GPC5: variants seen among roughly 807,000 people sequenced by gnomAD.
GPC5 encodes the protein glypican-5.
GPC5 carries 47 observed loss-of-function variants against 53.9 expected under a neutral mutation model. The ratio of observed to expected loss-of-function variants is 0.87; its 90% CI spans 0.69 to 1.11. The LOEUF (loss-of-function observed/expected upper bound fraction) is 1.11, where lower values mean the gene tolerates loss of function less well. Among genes scored for constraint, GPC5 ranks in the 50% most tolerant of loss-of-function variants. The pLI, the probability that GPC5 is intolerant of heterozygous loss-of-function variation, is 0.00. For missense variants in GPC5, 748 were observed against 713.1 expected (o/e 1.05, Z -0.56); for synonymous variants, 286 against 263.3 (o/e 1.09, Z -0.84).
chr13:92,322,192 T>G (rs2043220441), intron 7 of GPC5, among the ~76,000 whole-genome samples: 1 of 152,014 alleles, frequency 6.6e-6, no homozygotes, highest in Non-Finnish European at 1.5e-5. Context: ...GTACAGGTCA[T>G]GCATATAGTA....
rs529552813 is a variant in GPC5, at chr13:91,533,519, G to C, written c.325+84597G>C. Among the ~76,000 whole-genome samples the C allele has an allele frequency of 1.4e-4, 22 of 152,244 alleles. No homozygotes were observed. The South Asian group carries it at 4.6e-3, about 32-fold the overall frequency. On this transcript the variant is annotated intron_variant, in intron 2 of 7. Coordinates refer to ENST00000377067, the MANE Select transcript of GPC5 (RefSeq NM_004466.6). ...GGAAGCAAAACAATCTCAGCCTTTG[G>C]CCTTGTGGAACAGACAGTGGCGGGG...
At chr13:92,035,771 A>AT in intron 6 of GPC5, among the ~76,000 whole-genome samples, 1 of 151,470 alleles carries the variant, frequency 6.6e-6, no homozygotes, top group Non-Finnish European at 1.5e-5. Context: ...AAAAAAACAA[A>AT]AAAAACAATG....
At chr13:91,409,624 G>A (rs9523330) in intron 1 of GPC5, among the ~76,000 whole-genome samples, 44,706 of 152,100 alleles carry the variant, frequency 0.29, 7,402 homozygotes, top group Middle Eastern at 0.46. Flanking sequence ...TATTTGTTGC[G>A]TATTATGATC....
chr13:92,159,743 C>CA (rs2041973166), intron 7 of GPC5, among the ~76,000 whole-genome samples: 1 of 149,526 alleles, frequency 6.7e-6, no homozygotes, highest in African/African-American at 2.5e-5. Flanking sequence ...GCTGGGACTA[C>CA]AGGCGCCCGT....
At chr13:91,494,809 T>C (rs1305208218) in intron 2 of GPC5, among the ~76,000 whole-genome samples, 1 of 152,200 alleles carries the variant, frequency 6.6e-6, no homozygotes, top group East Asian at 1.9e-4. Flanking sequence ...AGAATCTTTT[T>C]CTGATTTCTC....
chr13:91,905,279 T>A (rs934887664), intron 5 of GPC5, among the ~76,000 whole-genome samples: 9 of 151,880 alleles, frequency 5.9e-5, no homozygotes, highest in Non-Finnish European at 1.0e-4. Context: ...AAGAGATGGT[T>A]ACTCTCTTTC....
intron 6 of GPC5, among the ~76,000 whole-genome samples, chr13:92,118,576 C>T (rs147829245): frequency 6.6e-6 from 1 of 152,198 alleles, no homozygotes; most frequent in East Asian, 1.9e-4. Context: ...TATATATGAT[C>T]CATCTTACAG....
chr13:91,620,163 T>G (rs1224805512), intron 2 of GPC5, among the ~76,000 whole-genome samples: 3 of 152,122 alleles, frequency 2.0e-5, no homozygotes, highest in Non-Finnish European at 4.4e-5. Context: ...AAATCATGCT[T>G]TAACCATCAC....
intron 7 of GPC5, among the ~76,000 whole-genome samples, chr13:92,453,039 T>G (rs1878128945): frequency 6.6e-6 from 1 of 152,218 alleles, no homozygotes; most frequent in South Asian, 2.1e-4. Flanking sequence ...CTCAGCCAGC[T>G]GGAACTGTGA....
chr13:91,526,780 A>G (rs1886105406), intron 2 of GPC5, among the ~76,000 whole-genome samples: 1 of 152,222 alleles, frequency 6.6e-6, no homozygotes, highest in Admixed American at 6.5e-5. Context: ...ACAGTTCCAC[A>G]TGTCTGGGGA....
At chr13:92,051,605 G>A (rs755676031) in intron 6 of GPC5, among the ~76,000 whole-genome samples, 3 of 152,172 alleles carry the variant, frequency 2.0e-5, no homozygotes, top group Non-Finnish European at 4.4e-5. Flanking sequence ...CAGTATCACA[G>A]AGATTATTGA....
intron 6 of GPC5, among the ~76,000 whole-genome samples, chr13:92,135,494 G>T (rs1436024249): frequency 6.6e-6 from 1 of 152,100 alleles, no homozygotes; most frequent in Non-Finnish European, 1.5e-5. Context: ...AGTCAATTTT[G>T]GTATGAGGGC....
chr13:92,046,227 G>A (rs2040981216), intron 6 of GPC5, among the ~76,000 whole-genome samples: 1 of 152,052 alleles, frequency 6.6e-6, no homozygotes, highest in Non-Finnish European at 1.5e-5. Context: ...TACATTTCCT[G>A]AAGTCTCTTC....
intron 6 of GPC5, among the ~76,000 whole-genome samples, chr13:91,927,085 A>G (rs2139025790): frequency 6.6e-6 from 1 of 152,294 alleles, no homozygotes; most frequent in Middle Eastern, 3.4e-3. Context: ...AAAATCATAG[A>G]AGTGATTTCT....
At chr13:91,534,190 T>C (rs1343375747) in intron 2 of GPC5, among the ~76,000 whole-genome samples, 2 of 122,564 alleles carry the variant, frequency 1.6e-5, no homozygotes, top group Non-Finnish European at 3.6e-5. Flanking sequence ...AAAATAATTT[T>C]CTTATTAAAG....
chr13:92,210,986 C>T (rs1032171403), intron 7 of GPC5, among the ~76,000 whole-genome samples: 11 of 152,102 alleles, frequency 7.2e-5, no homozygotes, highest in Non-Finnish European at 1.5e-4. Context: ...CTGGTTCTAC[C>T]ACCCCACAAA....
intron 2 of GPC5, among the ~76,000 whole-genome samples, chr13:91,658,000 T>C (rs1445625098): frequency 1.3e-5 from 2 of 152,238 alleles, no homozygotes; most frequent in Non-Finnish European, 2.9e-5. Flanking sequence ...CAGTGCATTA[T>C]GTTTTTATGT....
rs535987244 is a variant in GPC5 at position 92,291,451 on chromosome 13, C to G, written c.1561+146462C>G. Among the ~76,000 whole-genome samples, 6 of 152,200 alleles carry G rather than the reference C, an allele frequency of 3.9e-5. No individual in the cohort carries two copies. The South Asian group carries it at 1.0e-3, about 26-fold the overall frequency. ...GCTCAGGGTTTGTGAATGCACCAATCGACACTGTATCTAGCTAATCTAGTG... is the reference window on the plus strand; with the variant it reads ...GCTCAGGGTTTGTGAATGCACCAATGGACACTGTATCTAGCTAATCTAGTG... On this transcript the variant is annotated intron_variant, in intron 7 of 7. Coordinates refer to ENST00000377067, the MANE Select transcript of GPC5 (RefSeq NM_004466.6).
chr13:91,867,509 A>G (rs2039097953), intron 5 of GPC5, among the ~76,000 whole-genome samples: 1 of 152,238 alleles, frequency 6.6e-6, no homozygotes, highest in Admixed American at 6.5e-5. Flanking sequence ...TTAATGTGAT[A>G]TTTTAATTCT....
Sources: gnomAD v4.1 joint callset for allele counts (sites outside exome capture counted in the v4.1 genomes callset) on GRCh38, gnomAD v4.1.1 for gene constraint, MANE v1.5 for transcripts, NCBI Gene and HGNC (gene_info 2026-07-23, HGNC 2026-07-21) for gene names.